The following RGS7 variants were observed in gnomAD, a reference collection of about 807,000 sequenced individuals.
RGS7 encodes the protein regulator of G protein signaling 7.
RGS7 carries 27 observed loss-of-function variants against 81.1 expected under a neutral mutation model. The observed-to-expected ratio is 0.33, with a 90% CI of 0.25 to 0.46. RGS7 has a LOEUF of 0.46. RGS7 is among the 20% of genes least tolerant of loss of function. The pLI is 1.00. For missense variants in RGS7, 396 were observed against 607.4 expected (o/e 0.65, Z 3.66); for synonymous variants, 208 against 207.7 (o/e 1.00, Z -0.01).
intron 6 of RGS7, among the ~76,000 whole-genome samples, chr1:240,911,001 C>T (rs779152708): frequency 1.3e-5 from 2 of 152,050 alleles, no homozygotes; most frequent in Admixed American, 1.3e-4. Context: ...TCATACCTGG[C>T]CAATTAAAAA....
At position 240,920,297 on chromosome 1, in the gene RGS7, T is replaced by C. The variant is rs1673291393; in HGVS notation, c.385+10420A>G. The C allele has an allele frequency of 2.2e-6, 3 of 1,385,396 alleles. No individual in the cohort carries two copies. In the South Asian group the frequency reaches 3.5e-5, roughly 16 times the overall value. The allele number at this position is 1,385,396 out of a possible 1,614,324, so 85.8% of individuals were successfully genotyped here. ...GTGGTTTTGGTGGGAATGACAACTT[T>C]GGTCGTGGAGGAAACTTCAGTGGTC... On this transcript the variant is annotated intron_variant, in intron 6 of 18. Coordinates refer to ENST00000440928, the MANE Select transcript of RGS7 (RefSeq NM_001364886.1).
At chr1:241,251,853 T>A (rs1231619791) in intron 2 of RGS7, among the ~76,000 whole-genome samples, 5 of 151,708 alleles carry the variant, frequency 3.3e-5, no homozygotes, top group Non-Finnish European at 7.4e-5. Flanking sequence ...AACTTTTAGA[T>A]CATTTGAAGG....
intron 3 of RGS7, among the ~76,000 whole-genome samples, chr1:241,043,971 AAT>A (rs1184713821): frequency 1.3e-5 from 2 of 152,120 alleles, no homozygotes; most frequent in Non-Finnish European, 2.9e-5. Context: ...TGCTTGTAGA[AAT>A]ATTTCTAAAT....
intron 9 of RGS7, among the ~76,000 whole-genome samples, chr1:240,852,566 C>A (rs1660309368): frequency 6.6e-6 from 1 of 152,062 alleles, no homozygotes; most frequent in African/African-American, 2.4e-5. Flanking sequence ...GGAATAAAAC[C>A]TGGTACCTGG....
chr1:241,061,928 C>T (rs1022897818), intron 3 of RGS7, among the ~76,000 whole-genome samples: 2 of 152,222 alleles, frequency 1.3e-5, no homozygotes, highest in African/African-American at 4.8e-5. Context: ...AAGCTCCATG[C>T]TTGGTCGTAT....
At position 240,983,057 on chromosome 1, in the gene RGS7, A is replaced by G. The variant is rs201191815; in HGVS notation, c.226+22T>C. 5.6e-6 allele frequency: 8 copies of G among 1,423,952 alleles called. No homozygotes were observed. In the East Asian group the frequency reaches 1.8e-4, roughly 32 times the overall value. The allele number at this position is 1,423,952 out of a possible 1,614,324, so 88.2% of individuals were successfully genotyped here. A position where few individuals can be genotyped will look rare whatever the true frequency, so the allele number is the denominator to read the frequency against. On this transcript the variant is annotated intron_variant, in intron 4 of 18. Coordinates refer to ENST00000440928, the MANE Select transcript of RGS7 (RefSeq NM_001364886.1). Reference sequence around the variant, plus strand: ...AAACCACTAAGAAAAAAGTTCTTGCAATGGGAAAATGATTTATTTACCTGG... The same window carrying G: ...AAACCACTAAGAAAAAAGTTCTTGCGATGGGAAAATGATTTATTTACCTGG...
At chr1:240,900,411 C>T (rs1482930650) in intron 6 of RGS7, among the ~76,000 whole-genome samples, 3 of 152,180 alleles carry the variant, frequency 2.0e-5, no homozygotes, top group African/African-American at 7.2e-5. Flanking sequence ...TGGTTACTCC[C>T]CATCTTTGTG....
At chr1:240,863,527 C>T (rs543877189) in intron 9 of RGS7, among the ~76,000 whole-genome samples, 16 of 152,104 alleles carry the variant, frequency 1.1e-4, no homozygotes, top group Admixed American at 3.3e-4. Flanking sequence ...GAAATAATAA[C>T]GTATGTAGGT....
intron 9 of RGS7, among the ~76,000 whole-genome samples, chr1:240,852,467 T>C (rs966194239): frequency 6.6e-6 from 1 of 152,202 alleles, no homozygotes; most frequent in African/African-American, 2.4e-5. Context: ...ATTTCTGTCA[T>C]CTGGAATTTA....
chr1:241,225,757 T>G (rs1361500499), intron 2 of RGS7, among the ~76,000 whole-genome samples: 1 of 152,218 alleles, frequency 6.6e-6, no homozygotes, highest in Non-Finnish European at 1.5e-5. Context: ...CTTGGTTATT[T>G]CTAACTTGTT....
chr1:240,784,689 C>T (rs1054684505), intron 18 of RGS7, among the ~76,000 whole-genome samples: 1 of 150,806 alleles, frequency 6.6e-6, no homozygotes, highest in African/African-American at 2.4e-5. Flanking sequence ...AATTTAACCT[C>T]CATTTTCGCT....
At chr1:240,875,975 G>A (rs952222272) in intron 6 of RGS7, among the ~76,000 whole-genome samples, 11 of 152,052 alleles carry the variant, frequency 7.2e-5, no homozygotes, top group Non-Finnish European at 1.2e-4. Flanking sequence ...TGATTTTTAC[G>A]GTACCTTTAG....
chr1:241,213,662 T>G (rs1446502700), intron 2 of RGS7, among the ~76,000 whole-genome samples: 1 of 152,264 alleles, frequency 6.6e-6, no homozygotes, highest in African/African-American at 2.4e-5. Context: ...GACTTCACAA[T>G]CCTTTTGTTG....
intron 3 of RGS7, among the ~76,000 whole-genome samples, chr1:240,988,672 CT>C (rs1686015199): frequency 6.6e-6 from 1 of 152,164 alleles, no homozygotes; most frequent in Non-Finnish European, 1.5e-5. Context: ...ACAAAGCAAC[CT>C]TCAACCAAAG....
At chr1:240,849,828 CT>C (rs1413601353) in intron 9 of RGS7, among the ~76,000 whole-genome samples, 1 of 152,200 alleles carries the variant, frequency 6.6e-6, no homozygotes, top group Non-Finnish European at 1.5e-5. Context: ...AATTAAACCT[CT>C]TTTCTTTATA....
At chr1:240,900,312 T>A (rs1181052035) in intron 6 of RGS7, among the ~76,000 whole-genome samples, 1 of 152,166 alleles carries the variant, frequency 6.6e-6, no homozygotes, top group African/African-American at 2.4e-5. Flanking sequence ...TCATTCTCCA[T>A]CCAGCTTTGT....
intron 9 of RGS7, among the ~76,000 whole-genome samples, chr1:240,854,430 T>C (rs1441676411): frequency 6.6e-6 from 1 of 152,192 alleles, no homozygotes; most frequent in African/African-American, 2.4e-5. Flanking sequence ...TGGAATATGA[T>C]GCTCTCAAAT....
At chr1:240,830,147 A>G (rs1693586993) in intron 9 of RGS7, among the ~76,000 whole-genome samples, 1 of 152,242 alleles carries the variant, frequency 6.6e-6, no homozygotes. Context: ...TATGGGTGTT[A>G]GCAAGAAAGA....
intron 3 of RGS7, among the ~76,000 whole-genome samples, chr1:241,088,761 G>A (rs1409143990): frequency 6.6e-6 from 1 of 151,762 alleles, no homozygotes; most frequent in African/African-American, 2.4e-5. Flanking sequence ...GAGAGAACAG[G>A]AGCACTTTGG....
Sources: gnomAD v4.1 joint callset for allele counts (sites outside exome capture counted in the v4.1 genomes callset) on GRCh38, gnomAD v4.1.1 for gene constraint, MANE v1.5 for transcripts, NCBI Gene and HGNC (gene_info 2026-07-23, HGNC 2026-07-21) for gene names.